HIPK2: variants seen among roughly 807,000 people sequenced by gnomAD.
The protein encoded by HIPK2 is homeodomain-interacting protein kinase 2.
HIPK2 carries 27 observed loss-of-function variants against 113.7 expected under a neutral mutation model. That is an observed-to-expected ratio of 0.24 (90% CI 0.17 to 0.33). The LOEUF (loss-of-function observed/expected upper bound fraction) is 0.33. Among genes scored for constraint, HIPK2 ranks in the 10% least tolerant of loss-of-function variants. HIPK2 has a pLI of 1.00. For missense variants in HIPK2, 1,257 were observed against 1,588.0 expected, an observed-to-expected ratio of 0.79 and a Z score of 3.54; for synonymous variants, 631 against 642.2, an observed-to-expected ratio of 0.98 and a Z score of 0.26.
chr7:139,596,910 A>G lies in HIPK2; in HGVS notation c.2524T>C (p.Cys842Arg). 3 of 1,613,594 alleles carry G rather than the reference A, an allele frequency of 1.9e-6. No homozygotes were observed. Among genetic ancestry groups the G allele is most frequent in the Non-Finnish European group, 2.5e-6 (3 of 1,179,650 alleles). The change falls in exon 12 of 15, where the codon TGT becomes CGT. Residue 842 changes from cysteine to arginine, a missense_variant. Coordinates refer to ENST00000406875, the MANE Select transcript of HIPK2 (RefSeq NM_022740.5). ...GCCGGGCTACTGTGCACCATGGCACAGCGGGGAGGTGTGTTCTCCTTGACA... is the reference window on the plus strand; with the variant it reads ...GCCGGGCTACTGTGCACCATGGCACGGCGGGGAGGTGTGTTCTCCTTGACA... The part of the protein sequence containing the change: ...KRVKENTPPR[C>R]AMVHSSPACS...
chr7:139,581,506 C>G (rs188413062), intron 13 of HIPK2, among the ~76,000 whole-genome samples: 1 of 152,194 alleles, frequency 6.6e-6, no homozygotes, highest in African/African-American at 2.4e-5. Context: ...CTTCACTAAC[C>G]CCAACCTGAG....
At chr7:139,734,571 G>A (rs1003563694) in intron 1 of HIPK2, among the ~76,000 whole-genome samples, 10 of 152,162 alleles carry the variant, frequency 6.6e-5, no homozygotes, top group East Asian at 1.9e-4. Context: ...ATGACGCCAC[G>A]GTTGTGCTCT....
chr7:139,640,363 G>A (rs1277126044), intron 2 of HIPK2, among the ~76,000 whole-genome samples: 1 of 152,208 alleles, frequency 6.6e-6, no homozygotes, highest in East Asian at 1.9e-4. Context: ...ATATGACCCT[G>A]CAGGGGAATG....
intron 1 of HIPK2, among the ~76,000 whole-genome samples, chr7:139,729,654 A>G (rs1192604579): frequency 6.6e-6 from 1 of 152,186 alleles, no homozygotes; most frequent in Non-Finnish European, 1.5e-5. Flanking sequence ...CAAGAAGACA[A>G]CCTTTTAAAT....
chr7:139,753,035 T>C (rs1307152982), intron 1 of HIPK2, among the ~76,000 whole-genome samples: 1 of 152,210 alleles, frequency 6.6e-6, no homozygotes, highest in Non-Finnish European at 1.5e-5. Flanking sequence ...CAAGCACAGG[T>C]ATGCCTCTGT....
intron 1 of HIPK2, among the ~76,000 whole-genome samples, chr7:139,773,984 C>A (rs1184678796): frequency 6.6e-6 from 1 of 152,182 alleles, no homozygotes; most frequent in Non-Finnish European, 1.5e-5. Context: ...AAGAGAAATT[C>A]TCTACCTGAA....
At chr7:139,609,388 G>A (rs1293881273) in intron 9 of HIPK2, among the ~76,000 whole-genome samples, 1 of 152,170 alleles carries the variant, frequency 6.6e-6, no homozygotes, top group African/African-American at 2.4e-5. Context: ...TGATGCTGCT[G>A]GGAGGTGGGG....
chr7:139,724,557 T>C (rs1020533790), intron 1 of HIPK2, among the ~76,000 whole-genome samples: 1 of 152,010 alleles, frequency 6.6e-6, no homozygotes, highest in Non-Finnish European at 1.5e-5. Context: ...ATACTTTAAG[T>C]TTTAGGGTAC....
chr7:139,620,809 T>C (rs1456183175), intron 6 of HIPK2, among the ~76,000 whole-genome samples: 1 of 152,236 alleles, frequency 6.6e-6, no homozygotes. Context: ...ATATAGGTTC[T>C]ATATATCACA....
chr7:139,656,972 G>T (rs1801692990), intron 2 of HIPK2, among the ~76,000 whole-genome samples: 1 of 152,006 alleles, frequency 6.6e-6, no homozygotes, highest in African/African-American at 2.4e-5. Context: ...CCGGATTCAA[G>T]TGATTCTCCT....
intron 2 of HIPK2, among the ~76,000 whole-genome samples, chr7:139,695,213 A>G (rs1269457567): frequency 6.6e-6 from 1 of 152,254 alleles, no homozygotes; most frequent in Admixed American, 6.5e-5. Flanking sequence ...GCCAGCAGCC[A>G]TAAGTGTTCC....
In HIPK2 at chr7:139,741,004, G is replaced by A. The variant is rs547993108; in HGVS notation, c.20-23989C>T. 2.6e-5 allele frequency among the ~76,000 whole-genome samples: 4 copies of A among 152,198 alleles called. No homozygotes were observed. The East Asian group carries it at 7.7e-4, about 29-fold the overall frequency. On this transcript the variant is annotated intron_variant, in intron 1 of 14. Transcript: ENST00000406875. ...TCTACTAAAAATACGAAAATTAGCC[G>A]GACATGGTGGCAGGTGCCTGTCGTC...
chr7:139,563,851 G>C lies in HIPK2; in HGVS notation c.*9076C>G. 2 of 398,614 alleles carry C rather than the reference G, an allele frequency of 5.0e-6. No homozygotes were observed. Among genetic ancestry groups the C allele is most frequent in the Middle Eastern group, 6.3e-4 (1 of 1,588 alleles). The allele number at this position is 398,614 out of a possible 1,614,324, so 24.7% of individuals were successfully genotyped here. A position where few individuals can be genotyped will look rare whatever the true frequency, so the allele number is the denominator to read the frequency against. ...AGTTTTCAAGGTCTTATCTGCTAAA[G>C]GAATGCCCTTTAGGTCACAGCAGGT... On this transcript the variant is annotated 3_prime_UTR_variant, in exon 15 of 15. Transcript: ENST00000406875.
chr7:139,709,360 A>G (rs1794997476), intron 2 of HIPK2, among the ~76,000 whole-genome samples: 1 of 152,218 alleles, frequency 6.6e-6, no homozygotes, highest in African/African-American at 2.4e-5. Context: ...CCTAACTTCT[A>G]GTCACTCACT....
chr7:139,705,826 TAAAAAAAAAA>T (rs1010543995), intron 2 of HIPK2, among the ~76,000 whole-genome samples: 1 of 105,348 alleles, frequency 9.5e-6, no homozygotes, highest in African/African-American at 3.6e-5. Flanking sequence ...AAAAGATTAG[TAAAAAAAAAA>T]AAAAAAAAGA....
At chr7:139,743,726 CT>C (rs1796145584) in intron 1 of HIPK2, among the ~76,000 whole-genome samples, 2 of 152,156 alleles carry the variant, frequency 1.3e-5, no homozygotes, top group South Asian at 4.1e-4. Flanking sequence ...GGGCTTTGTG[CT>C]AAGAAGAGCT....
At chr7:139,573,902 T>G (rs1021102635) in intron 14 of HIPK2, among the ~76,000 whole-genome samples, 3 of 151,236 alleles carry the variant, frequency 2.0e-5, no homozygotes, top group Non-Finnish European at 4.4e-5. Context: ...GGCCTGCCAC[T>G]CACTGGGCTG....
intron 9 of HIPK2, among the ~76,000 whole-genome samples, chr7:139,608,345 G>A: frequency 7.2e-6 from 1 of 138,506 alleles, no homozygotes; most frequent in African/African-American, 2.8e-5. Context: ...TATATAACAG[G>A]GATAATATAT....
chr7:139,770,165 G>T (rs1004678478), intron 1 of HIPK2, among the ~76,000 whole-genome samples: 5 of 152,178 alleles, frequency 3.3e-5, no homozygotes, highest in Non-Finnish European at 7.3e-5. Context: ...GTACATGCTG[G>T]TTTTTGTCAG....
Sources: allele counts gnomAD v4.1 joint callset (sites outside exome capture counted in the v4.1 genomes callset), GRCh38; gene constraint gnomAD v4.1.1; transcripts MANE v1.5; gene names NCBI Gene and HGNC (gene_info 2026-07-23, HGNC 2026-07-21).